The following GABRB1 variants were observed in gnomAD, a reference collection of about 807,000 sequenced individuals.
GABRB1 encodes gamma-aminobutyric acid type A receptor subunit beta1, also known as gamma-aminobutyric acid receptor subunit beta-1.
A neutral mutation model predicts 51.6 loss-of-function variants in GABRB1; 17 were observed. The observed-to-expected ratio is 0.33, with a 90% CI of 0.23 to 0.49. The LOEUF is 0.49. Among genes scored for constraint, GABRB1 ranks in the 20% least tolerant of loss-of-function variants. The pLI, the probability that GABRB1 is intolerant of heterozygous loss-of-function variation, is 0.99. For synonymous variants in GABRB1, 247 were observed against 218.9 expected, an observed-to-expected ratio of 1.13 and a Z score of -1.14; for missense variants, 410 against 600.6, an observed-to-expected ratio of 0.68 and a Z score of 3.32.
At chr4:47,156,658 T>TA (rs1325730761) in intron 3 of GABRB1, among the ~76,000 whole-genome samples, 31 of 144,328 alleles carry the variant, frequency 2.1e-4, no homozygotes, top group East Asian at 8.9e-4. Flanking sequence ...TCTCTAGATT[T>TA]TAAAAAAAAC....
At position 47,009,023 on chromosome 4, in the gene GABRB1, C is replaced by T. The variant is rs199997311; in HGVS notation, c.-20+15097C>T. Among the ~76,000 whole-genome samples the T allele has an allele frequency of 4.4e-4, 66 of 148,466 alleles. 2 individuals carry two copies. The East Asian group carries it at 0.013, about 28-fold the overall frequency. On this transcript the variant is annotated intron_variant, in intron 1 of 3. Coordinates refer to the GABRB1 transcript ENST00000513567. ...GGACTACAGGCGCCCACCACCACGCCCGGCTAATTTTTTGTATTTTTTAGT... is the reference window on the plus strand; with the variant it reads ...GGACTACAGGCGCCCACCACCACGCTCGGCTAATTTTTTGTATTTTTTAGT...
intron 4 of GABRB1, among the ~76,000 whole-genome samples, chr4:47,294,711 T>G (rs1723897878): frequency 6.6e-6 from 1 of 152,238 alleles, no homozygotes; most frequent in African/African-American, 2.4e-5. Context: ...CAGTAACCTC[T>G]GCAGACTTAA....
intron 4 of GABRB1, among the ~76,000 whole-genome samples, chr4:47,202,857 T>A (rs1262549250): frequency 6.6e-6 from 1 of 152,154 alleles, no homozygotes; most frequent in Non-Finnish European, 1.5e-5. Context: ...GACAGTGGCT[T>A]CCTGTTCAGG....
chr4:47,023,230 A>G (rs28421329), intron 1 of GABRB1, among the ~76,000 whole-genome samples: 3,647 of 152,126 alleles, frequency 0.024, 133 homozygotes, highest in African/African-American at 0.084. Context: ...GGATACAAAA[A>G]CAGAAAAAAT....
rs147253884 is a variant in GABRB1, at chr4:47,148,113, T to C, written c.241-13136T>C. Among the ~76,000 whole-genome samples, 459 of 152,092 alleles carry C rather than the reference T, an allele frequency of 3.0e-3. 2 individuals carry two copies. Among genetic ancestry groups the C allele is most frequent in the African/African-American group, 0.01 (433 of 41,524 alleles). ...GAGAAGTGATAAAGACCAAACTAGA[T>C]AGTAGCAAGTATAGACAGAATAAAG... On this transcript the variant is annotated intron_variant, in intron 3 of 8. Coordinates refer to ENST00000295454, the MANE Select transcript of GABRB1 (RefSeq NM_000812.4).
At chr4:47,328,491 A>G (rs898805391) in intron 5 of GABRB1, among the ~76,000 whole-genome samples, 2 of 152,310 alleles carry the variant, frequency 1.3e-5, no homozygotes, top group Middle Eastern at 3.4e-3. Context: ...GGCACTATTC[A>G]TAATAGCAAA....
At chr4:47,012,519 G>T (rs76543008) in intron 1 of GABRB1, among the ~76,000 whole-genome samples, 1 of 152,130 alleles carries the variant, frequency 6.6e-6, no homozygotes, top group African/African-American at 2.4e-5. Flanking sequence ...CCCTACAAAG[G>T]CTTTTTATAT....
chr4:46,993,727 G>C (rs1179769503), exon 1 of GABRB1: 1 of 302,152 alleles, frequency 3.3e-6, no homozygotes, highest in African/African-American at 2.2e-5. Context: ...GTATCCGCGC[G>C]CTTGCGCTGC....
chr4:47,302,798 G>GATTA (rs1724311143), intron 4 of GABRB1, among the ~76,000 whole-genome samples: 2 of 151,884 alleles, frequency 1.3e-5, no homozygotes, highest in Admixed American at 6.6e-5. Flanking sequence ...CTTTCATTCA[G>GATTA]ATTAATTAAT....
intron 3 of GABRB1, among the ~76,000 whole-genome samples, chr4:47,105,358 T>C (rs1300434054): frequency 2.0e-5 from 3 of 152,058 alleles, no homozygotes; most frequent in African/African-American, 4.8e-5. Flanking sequence ...CAGCAAGAGA[T>C]TGCCATCACA....
intron 3 of GABRB1, among the ~76,000 whole-genome samples, chr4:47,051,674 G>T (rs1726354999): frequency 6.6e-6 from 1 of 152,122 alleles, no homozygotes; most frequent in South Asian, 2.1e-4. Flanking sequence ...GATAATAAGA[G>T]TTCAGAAGAA....
At chr4:47,338,432 A>G (rs1412521541) in intron 5 of GABRB1, among the ~76,000 whole-genome samples, 1 of 152,226 alleles carries the variant, frequency 6.6e-6, no homozygotes, top group African/African-American at 2.4e-5. Context: ...GTTTTAGACT[A>G]TTAGAAATTA....
intron 3 of GABRB1, among the ~76,000 whole-genome samples, chr4:47,054,515 A>G (rs1293961856): frequency 6.6e-6 from 1 of 152,112 alleles, no homozygotes; most frequent in Non-Finnish European, 1.5e-5. Flanking sequence ...TGCCTGCCTG[A>G]TATTTTTGAG....
chr4:47,407,702 G>T (rs938764617), intron 8 of GABRB1, among the ~76,000 whole-genome samples: 2 of 152,164 alleles, frequency 1.3e-5, no homozygotes, highest in Admixed American at 1.3e-4. Context: ...ATACTGATGT[G>T]AATGAGACAA....
At chr4:47,290,458 T>C (rs1723684050) in intron 4 of GABRB1, among the ~76,000 whole-genome samples, 1 of 152,116 alleles carries the variant, frequency 6.6e-6, no homozygotes, top group South Asian at 2.1e-4. Context: ...TTGGTACCAG[T>C]AGAGTGGGGC....
intron 4 of GABRB1, among the ~76,000 whole-genome samples, chr4:47,255,147 G>A (rs560173372): frequency 6.6e-6 from 1 of 152,284 alleles, no homozygotes; most frequent in African/African-American, 2.4e-5. Flanking sequence ...CTGAGTTCCA[G>A]TCCTGACTCT....
At position 47,094,903 on chromosome 4, in the gene GABRB1, T is replaced by C. The variant is rs576965711; in HGVS notation, c.240+62419T>C. 2.9e-3 allele frequency among the ~76,000 whole-genome samples: 448 copies of C among 152,290 alleles called. 2 individuals are homozygous for C. The highest frequency in any genetic ancestry group is 5.6e-3 in the Non-Finnish European group (379 of 68,022). ...TATCTGTTATTAGGATTGAATCTTCTTGAGTGGGCCTGTTGAACTGGTAAA... is the reference window on the plus strand; with the variant it reads ...TATCTGTTATTAGGATTGAATCTTCCTGAGTGGGCCTGTTGAACTGGTAAA... On this transcript the variant is annotated intron_variant, in intron 3 of 8. Coordinates refer to ENST00000295454, the MANE Select transcript of GABRB1 (RefSeq NM_000812.4).
intron 4 of GABRB1, among the ~76,000 whole-genome samples, chr4:47,202,905 G>C (rs916394684): frequency 1.2e-4 from 19 of 152,074 alleles, no homozygotes; most frequent in African/African-American, 4.3e-4. Context: ...AAAGGCCCCA[G>C]AGGACAGCTG....
rs374922120 is a variant in GABRB1 at position 47,071,423 on chromosome 4, A to G, written c.240+38939A>G. 3.9e-5 allele frequency among the ~76,000 whole-genome samples: 6 copies of G among 152,196 alleles called. No homozygotes were observed. The South Asian group carries it at 1.0e-3, about 26-fold the overall frequency. On this transcript the variant is annotated intron_variant, in intron 3 of 8. Transcript: ENST00000295454. ...TTAGTTTGGCCTACACAATCTTTCT[A>G]GTCCTCCCTACTTTCCTGATTCCTC...
Sources: allele counts gnomAD v4.1 joint callset (sites outside exome capture counted in the v4.1 genomes callset), GRCh38; gene constraint gnomAD v4.1.1; transcripts MANE v1.5; gene names NCBI Gene and HGNC (gene_info 2026-07-23, HGNC 2026-07-21).